The following SERPINA6 variants were observed in gnomAD, a reference collection of about 807,000 sequenced individuals.
SERPINA6 encodes the protein corticosteroid-binding globulin.
In SERPINA6, 19 loss-of-function variants were observed where a neutral mutation model predicts 26.4. That is an observed-to-expected ratio of 0.72 (90% CI 0.50 to 1.06). The LOEUF (loss-of-function observed/expected upper bound fraction) is 1.06, where lower values mean the gene tolerates loss of function less well. Among genes scored for constraint, SERPINA6 ranks in the 50% least tolerant of loss-of-function variants. SERPINA6 has a pLI of 0.00. For missense variants in SERPINA6, 473 were observed against 504.0 expected, an observed-to-expected ratio of 0.94 and a Z score of 0.59; for synonymous variants, 196 against 199.4, an observed-to-expected ratio of 0.98 and a Z score of 0.14.
chr14:94,307,294 C>A (rs527471735), intron 3 of SERPINA6, among the ~76,000 whole-genome samples: 37 of 152,190 alleles, frequency 2.4e-4, no homozygotes, highest in African/African-American at 8.4e-4. Context: ...TCTTTAATTT[C>A]CAGGTTGAGA....
In SERPINA6 at chr14:94,314,729, C is replaced by T; in HGVS notation, c.-19-62G>A. 7 of 1,519,684 alleles carry T rather than the reference C, an allele frequency of 4.6e-6. No individual in the cohort carries two copies. The South Asian group carries it at 7.8e-5, about 17-fold the overall frequency. The allele number at this position is 1,519,684 out of a possible 1,614,324, so 94.1% of individuals were successfully genotyped here. Reference sequence around the variant, plus strand: ...GTCTCTGAGTCAATGGGGCGTAGTGCAAGAGGAGGCAGGCAAAAGACCCCA... The same window carrying T: ...GTCTCTGAGTCAATGGGGCGTAGTGTAAGAGGAGGCAGGCAAAAGACCCCA... On this transcript the variant is annotated intron_variant, in intron 1 of 4. Transcript: ENST00000341584.
rs10146773 is a variant in SERPINA6 at position 94,322,730 on chromosome 14, C to T, written c.-20+537G>A. Reference sequence around the variant, plus strand: ...TAGTGAAACCTCATGACATGTGGTACAGTGCAGACAGTTCTGTTCTCTGTG... The same window carrying T: ...TAGTGAAACCTCATGACATGTGGTATAGTGCAGACAGTTCTGTTCTCTGTG... On this transcript the variant is annotated intron_variant, in intron 1 of 4. Coordinates refer to ENST00000341584, the MANE Select transcript of SERPINA6 (RefSeq NM_001756.4). Among the ~76,000 whole-genome samples, 323 of 152,346 alleles carry T rather than the reference C, an allele frequency of 2.1e-3. 1 individual carries two copies. Among genetic ancestry groups the T allele is most frequent in the African/African-American group, 7.4e-3 (306 of 41,578 alleles).
At chr14:94,322,871 C>T (rs1466282679) in intron 1 of SERPINA6, among the ~76,000 whole-genome samples, 1 of 152,190 alleles carries the variant, frequency 6.6e-6, no homozygotes, top group Non-Finnish European at 1.5e-5. Flanking sequence ...TGACCCGCGG[C>T]CAGCATCCTT....
rs770916628 is a variant in SERPINA6 at position 94,314,235 on chromosome 14, C to T, written c.414G>A (p.Glu138=). The T allele has an allele frequency of 3.1e-6, 5 of 1,614,110 alleles. No homozygotes were observed. The highest frequency in any genetic ancestry group is 3.4e-6 in the Non-Finnish European group (4 of 1,180,046). ...GNALFLDGSL[E]LLESFSADIK... ...TGTCTGCTGAGAATGACTCCAGCAACTCCAGGCTGCCATCAAGAAACAAGG... is the reference window on the plus strand; with the variant it reads ...TGTCTGCTGAGAATGACTCCAGCAATTCCAGGCTGCCATCAAGAAACAAGG... Residue 138 remains glutamate (E), a synonymous_variant, in exon 2 of 5, where the codon GAG becomes GAA. Coordinates refer to ENST00000341584, the MANE Select transcript of SERPINA6 (RefSeq NM_001756.4).
chr14:94,307,588 C>T (rs1895460871), intron 3 of SERPINA6, among the ~76,000 whole-genome samples: 1 of 152,186 alleles, frequency 6.6e-6, no homozygotes, highest in South Asian at 2.1e-4. Flanking sequence ...CATCATGGTG[C>T]GTTATCACCC....
chr14:94,321,363 C>A (rs1299553863), intron 1 of SERPINA6, among the ~76,000 whole-genome samples: 1 of 152,168 alleles, frequency 6.6e-6, no homozygotes, highest in Non-Finnish European at 1.5e-5. Context: ...ACTAATGTAG[C>A]CCAGGGGGTC....
chr14:94,315,196 G>A (rs1895596825), intron 1 of SERPINA6, among the ~76,000 whole-genome samples: 1 of 151,914 alleles, frequency 6.6e-6, no homozygotes, highest in African/African-American at 2.4e-5. Context: ...AGAAATAAAA[G>A]ACCTCTGGTA....
At chr14:94,315,658 C>T (rs1895604285) in intron 1 of SERPINA6, among the ~76,000 whole-genome samples, 2 of 151,928 alleles carry the variant, frequency 1.3e-5, no homozygotes, top group African/African-American at 2.4e-5. Flanking sequence ...GAAAAGTTAC[C>T]CCATGCAAAT....
At chr14:94,311,335 A>G (rs969504723) in intron 2 of SERPINA6, among the ~76,000 whole-genome samples, 1 of 152,254 alleles carries the variant, frequency 6.6e-6, no homozygotes, top group African/African-American at 2.4e-5. Flanking sequence ...ACTTACAGCA[A>G]AAAAACAAAG....
intron 3 of SERPINA6, among the ~76,000 whole-genome samples, chr14:94,307,162 G>A (rs1222854378): frequency 6.6e-6 from 1 of 152,102 alleles, no homozygotes; most frequent in Non-Finnish European, 1.5e-5. Context: ...AGAAAGGAAG[G>A]GAGACCAATT....
In SERPINA6 at chr14:94,314,104, A is replaced by G. The variant is rs746155857; in HGVS notation, c.545T>C (p.Ile182Thr). 2.6e-5 allele frequency: 42 copies of G among 1,614,014 alleles called. No homozygotes were observed. Among genetic ancestry groups the G allele is most frequent in the African/African-American group, 5.3e-5 (4 of 74,906 alleles). Residue 182 changes from isoleucine to threonine, a missense_variant, in exon 2 of 5, where the codon ATT (isoleucine) becomes ACT (threonine). Coordinates refer to ENST00000341584, the MANE Select transcript of SERPINA6 (RefSeq NM_001756.4). ...SYVKNKTQGK[I>T]VDLFSGLDSP... ...ATCCAGCCCTGAAAACAAGTCGACA[A>G]TTTTCCCCTGTGTCTTATTCTTGAC...
Position 94,313,387 on chromosome 14 carries a change from G to A in SERPINA6, c.613+649C>T, listed in dbSNP as rs1156629974. ...GCAGCCTATTCTGGATCACCCAGGTGGGCCATTATCCAGTGTAATCCTGAG... is the reference window on the plus strand; with the variant it reads ...GCAGCCTATTCTGGATCACCCAGGTAGGCCATTATCCAGTGTAATCCTGAG... On this transcript the variant is annotated intron_variant, in intron 2 of 4. Transcript: ENST00000341584. Among the ~76,000 whole-genome samples, 4 of 152,204 alleles carry A rather than the reference G, an allele frequency of 2.6e-5. 1 individual carries two copies. The highest frequency in any genetic ancestry group is 1.9e-4 in the East Asian group (1 of 5,198).
chr14:94,317,333 G>A (rs778172183), intron 1 of SERPINA6, among the ~76,000 whole-genome samples: 2 of 152,056 alleles, frequency 1.3e-5, no homozygotes, highest in Non-Finnish European at 2.9e-5. Context: ...ACACACCCTC[G>A]CATGATAAAA....
At chr14:94,308,169 C>G (rs1171757778) in intron 3 of SERPINA6, among the ~76,000 whole-genome samples, 1 of 152,218 alleles carries the variant, frequency 6.6e-6, no homozygotes, top group African/African-American at 2.4e-5. Flanking sequence ...CAAGGGAAAA[C>G]AACCTGCTCT....
intron 2 of SERPINA6, among the ~76,000 whole-genome samples, chr14:94,313,177 T>A (rs1895556326): frequency 6.6e-6 from 1 of 152,118 alleles, no homozygotes; most frequent in Non-Finnish European, 1.5e-5. Context: ...TTTTAGGCAG[T>A]CAGATAAGTT....
At chr14:94,317,759 A>G (rs994793648) in intron 1 of SERPINA6, among the ~76,000 whole-genome samples, 4 of 152,234 alleles carry the variant, frequency 2.6e-5, no homozygotes, top group Non-Finnish European at 5.9e-5. Context: ...CTCAATAGTG[A>G]AAGACTGAAA....
chr14:94,314,444 T>C lies in SERPINA6; in HGVS notation c.205A>G (p.Ser69Gly). ...AGCATAGCTAAGGCCATGGAGATGC[T>C]CACAGGGGAGATGAAAATGTTCTTT... ...PKKNIFISPV[S>G]ISMALAMLSL... Residue 69 changes from serine (S) to glycine (G), a missense_variant, in exon 2 of 5, where the codon AGC becomes GGC. Physicochemically the swap from Ser to Gly is moderately conservative, Grantham distance 56. Transcript: ENST00000341584. The C allele has an allele frequency of 6.2e-7, 1 of 1,614,156 alleles. No individual in the cohort carries two copies. Among genetic ancestry groups the C allele is most frequent in the Non-Finnish European group, 8.5e-7 (1 of 1,180,034 alleles).
chr14:94,317,243 A>G (rs1193760459), intron 1 of SERPINA6, among the ~76,000 whole-genome samples: 1 of 152,224 alleles, frequency 6.6e-6, no homozygotes, highest in Non-Finnish European at 1.5e-5. Flanking sequence ...GATCAGTGTA[A>G]TACATCATAT....
chr14:94,309,282 A>T (rs1895488603), intron 3 of SERPINA6, among the ~76,000 whole-genome samples: 1 of 150,254 alleles, frequency 6.7e-6, no homozygotes, highest in Non-Finnish European at 1.5e-5. Context: ...AGAACCATTC[A>T]TAGATTTTGC....
Sources: gnomAD v4.1 joint callset for allele counts (sites outside exome capture counted in the v4.1 genomes callset) on GRCh38, gnomAD v4.1.1 for gene constraint, MANE v1.5 for transcripts, NCBI Gene and HGNC (gene_info 2026-07-23, HGNC 2026-07-21) for gene names.